The following ADH7 variants were observed in gnomAD, a reference collection of about 807,000 sequenced individuals.
ADH7 encodes alcohol dehydrogenase 7 (class IV), mu or sigma polypeptide, also known as all-trans-retinol dehydrogenase [NAD(+)] ADH7.
A neutral mutation model predicts 34.4 loss-of-function variants in ADH7; 41 were observed. The ratio of observed to expected loss-of-function variants is 1.19; its 90% CI spans 0.93 to 1.55. ADH7 has a LOEUF of 1.55. ADH7 is among the 40% of genes most tolerant of loss of function. The probability of loss-of-function intolerance (pLI) is 0.00; values close to 1 mark genes in which losing one functional copy is unlikely to be tolerated. For missense variants in ADH7, 540 were observed against 461.2 expected (o/e 1.17, Z -1.56); for synonymous variants, 180 against 160.9 (o/e 1.12, Z -0.90).
intron 5 of ADH7, among the ~76,000 whole-genome samples, chr4:99,424,602 G>T (rs1721753963): frequency 6.6e-6 from 1 of 152,276 alleles, no homozygotes; most frequent in East Asian, 1.9e-4. Context: ...CACATCCCTT[G>T]TAAGTTGGAT....
chr4:99,421,903 G>A (rs1280171433), intron 5 of ADH7, among the ~76,000 whole-genome samples: 1 of 152,090 alleles, frequency 6.6e-6, no homozygotes, highest in Admixed American at 6.6e-5. Context: ...TATGAAAAAA[G>A]CTCAACATCA....
intron 6 of ADH7, 148 bp downstream of exon 6, chr4:99,420,385 T>G: frequency 3.2e-6 from 3 of 938,000 alleles, no homozygotes; most frequent in Non-Finnish European, 1.6e-6. Flanking sequence ...AAAATTGCTA[T>G]GTGATTATCA....
chr4:99,431,232 G>A (rs1721932459), intron 1 of ADH7, among the ~76,000 whole-genome samples: 1 of 152,168 alleles, frequency 6.6e-6, no homozygotes, highest in Non-Finnish European at 1.5e-5. Context: ...GGGAAAGAAT[G>A]CTCTACTTAA....
intron 1 of ADH7, chr4:99,430,318 T>C (rs1215727882): frequency 1.3e-5 from 2 of 152,168 alleles, no homozygotes; most frequent in Non-Finnish European, 2.9e-5. Flanking sequence ...GGACACTAGG[T>C]GTGGAGATAC....
At chr4:99,435,015 T>C (rs918875302) in intron 1 of ADH7, 40 of 1,528,118 alleles carry the variant, frequency 2.6e-5, no homozygotes, top group Non-Finnish European at 3.0e-5. Context: ...GGATATACTA[T>C]TTCCAACTTA....
chr4:99,415,691 T>G, intron 7 of ADH7, 75 bp from the exon 8 acceptor site: 1 of 1,445,612 alleles, frequency 6.9e-7, no homozygotes, highest in Non-Finnish European at 9.5e-7. Context: ...TATTTATTCC[T>G]TCTCTTTCCT....
At chr4:99,422,963 G>C (rs1721702525) in intron 5 of ADH7, among the ~76,000 whole-genome samples, 1 of 144,282 alleles carries the variant, frequency 6.9e-6, no homozygotes, top group Non-Finnish European at 1.5e-5. Context: ...TGCCATGCTG[G>C]TGTGCTGCAC....
chr4:99,419,213 T>G lies in ADH7; in HGVS notation c.826-92A>C, dbSNP rs965313977. 3.6e-6 allele frequency: 5 copies of G among 1,394,616 alleles called. No individual in the cohort carries two copies. In the African/African-American group the frequency reaches 5.8e-5, roughly 16 times the overall value. The allele number at this position is 1,394,616 out of a possible 1,614,324, so 86.4% of individuals were successfully genotyped here. ...TGACCTATGTACTATGACAAAGTCATGAAATTAAATTAAGCCACCTTGTTT... is the reference window on the plus strand; with the variant it reads ...TGACCTATGTACTATGACAAAGTCAGGAAATTAAATTAAGCCACCTTGTTT... On this transcript the variant is annotated intron_variant, in intron 6 of 8. Coordinates refer to ENST00000437033, the MANE Select transcript of ADH7 (RefSeq NM_000673.7).
intron 5 of ADH7, among the ~76,000 whole-genome samples, chr4:99,425,920 C>G (rs1476472934): frequency 6.6e-6 from 1 of 152,096 alleles, no homozygotes; most frequent in Admixed American, 6.5e-5. Flanking sequence ...CAAAACCGCT[C>G]AACTACATGG....
chr4:99,419,175 A>G (rs1022718167), intron 6 of ADH7, 54 bp from the exon 7 acceptor site: 46 of 1,579,288 alleles, frequency 2.9e-5, no homozygotes, highest in Non-Finnish European at 3.9e-5. Context: ...ACAGTGTGAC[A>G]TAAGCTCTGA....
In ADH7 at chr4:99,427,957, G is replaced by T; in HGVS notation, c.380C>A (p.Thr127Asn). 1 of 1,613,956 alleles carries T rather than the reference G, an allele frequency of 6.2e-7. No individual in the cohort carries two copies. The change falls in exon 5 of 9, where the codon ACC becomes AAC. Residue 127 changes from threonine (T) to asparagine (N), a missense_variant. Thr to Asn is a moderately conservative substitution (Grantham distance 65, BLOSUM62 0). Coordinates refer to ENST00000437033, the MANE Select transcript of ADH7 (RefSeq NM_000673.7). ...TTTGCCCTTGCATGTAAATCTGGTG[G>T]TGCCATCAGCCAGTACTCCACGACC... Reference protein sequence around the residue: ...ITGRGVLADGTTRFTCKGKPV... With the variant: ...ITGRGVLADGNTRFTCKGKPV...
At chr4:99,416,927 T>TC (rs1291272809) in intron 7 of ADH7, among the ~76,000 whole-genome samples, 3 of 152,140 alleles carry the variant, frequency 2.0e-5, no homozygotes, top group African/African-American at 7.2e-5. Context: ...GTGACATGAT[T>TC]CCTGTTGCTT....
Position 99,427,920 on chromosome 4 carries a change from G to A in ADH7, c.417C>T (p.His139=). The A allele has an allele frequency of 3.7e-6, 6 of 1,614,030 alleles. No individual in the cohort carries two copies. The highest frequency in any genetic ancestry group is 4.2e-6 in the Non-Finnish European group (5 of 1,179,948). ...RFTCKGKPVH[H]FMNTSTFTEY... Reference sequence around the variant, plus strand: ...CGGTAAATGTACTGGTGTTCATGAAGTGGTGGACTGGTTTGCCCTTGCATG... The same window carrying A: ...CGGTAAATGTACTGGTGTTCATGAAATGGTGGACTGGTTTGCCCTTGCATG... The change falls in exon 5 of 9, where the codon CAC becomes CAT. Residue 139 remains histidine (H), a synonymous_variant. Coordinates refer to ENST00000437033, the MANE Select transcript of ADH7 (RefSeq NM_000673.7).
In ADH7 at chr4:99,412,827, T is replaced by G. The variant is rs553695512; in HGVS notation, c.*321A>C. On this transcript the variant is annotated 3_prime_UTR_variant, in exon 9 of 9. Coordinates refer to ENST00000437033, the MANE Select transcript of ADH7 (RefSeq NM_000673.7). ...CGCTATATCTGTTTTGAGTTATATA[T>G]CTGCAGCAGCTGGTTAAAACTCTTA... 4.2e-4 allele frequency: 112 copies of G among 266,934 alleles called. 1 individual carries two copies. The South Asian group carries it at 9.8e-3, about 23-fold the overall frequency. 16.5% of individuals were successfully genotyped at this position (266,934 alleles called of 1,614,324 possible). A position where few individuals can be genotyped will look rare whatever the true frequency, so the allele number is the denominator to read the frequency against.
In ADH7 at chr4:99,429,609, G is replaced by GCA; in HGVS notation, c.41_42dup (p.Leu15CysfsTer14). On this transcript the variant is annotated frameshift_variant, in exon 2 of 9. Transcript: ENST00000437033. LOFTEE classifies it high-confidence loss of function. ...GAGAAGGGTTGCTTCTGCTCCCAAA[G>GCA]CACAGCTGCTTTGCATTTAATAACC... is the stretch of plus-strand genomic sequence containing the variant. The GCA allele has an allele frequency of 6.2e-7, 1 of 1,610,878 alleles. No homozygotes were observed. Among genetic ancestry groups the GCA allele is most frequent in the African/African-American group, 1.3e-5 (1 of 75,018 alleles).
chr4:99,419,517 A>G (rs965840817), intron 6 of ADH7, among the ~76,000 whole-genome samples: 1 of 152,184 alleles, frequency 6.6e-6, no homozygotes, highest in Non-Finnish European at 1.5e-5. Context: ...TTAAAATTAA[A>G]TAAAATACTA....
chr4:99,418,439 A>G (rs1154456), intron 7 of ADH7, among the ~76,000 whole-genome samples: 42,920 of 152,004 alleles, frequency 0.28, 6,582 homozygotes, highest in Admixed American at 0.37. Context: ...GAGGGAAAAA[A>G]AAGGACTCAC....
chr4:99,428,187 A>G lies in ADH7; in HGVS notation c.260-13T>C, dbSNP rs758792130. The G allele has an allele frequency of 1.9e-6, 3 of 1,603,526 alleles. No homozygotes were observed. The African/African-American group carries it at 4.0e-5, about 21-fold the overall frequency. ...ATGACTTTGTCACCTACAGGAAAAA[A>G]ATCATGATATAAGATGCTGTTCATT... On this transcript the variant is annotated splice_polypyrimidine_tract_variant and intron_variant, in intron 3 of 8. Coordinates refer to ENST00000437033, the MANE Select transcript of ADH7 (RefSeq NM_000673.7).
chr4:99,419,012 C>A lies in ADH7; in HGVS notation c.935G>T (p.Arg312Leu), dbSNP rs148046430. ...TCCAAAGACACATCCCTTCCATGTG[C>A]GTCCAGTGAAGAGCAACATCGGGTC... ...TYDPMLLFTG[R>L]TWKGCVFGGL... Residue 312 changes from arginine (R) to leucine (L), a missense_variant, in exon 7 of 9, where the codon CGC becomes CTC. Physicochemically the swap from Arg to Leu is moderately radical, Grantham distance 102 (BLOSUM62 -2). Coordinates refer to ENST00000437033, the MANE Select transcript of ADH7 (RefSeq NM_000673.7). 3 of 1,613,778 alleles carry A rather than the reference C, an allele frequency of 1.9e-6. No individual in the cohort carries two copies. The African/African-American group carries it at 4.0e-5, about 22-fold the overall frequency.
Sources: allele counts gnomAD v4.1 joint callset (sites outside exome capture counted in the v4.1 genomes callset), GRCh38; gene constraint gnomAD v4.1.1; transcripts MANE v1.5; gene names NCBI Gene and HGNC (gene_info 2026-07-23, HGNC 2026-07-21).